SMOC2: variants seen among roughly 807,000 people sequenced by gnomAD.
The protein encoded by SMOC2 is SPARC-related modular calcium-binding protein 2.
A neutral mutation model predicts 61.4 loss-of-function variants in SMOC2; 39 were observed. That is an observed-to-expected ratio of 0.64 (90% CI 0.49 to 0.83). The LOEUF is 0.83. Ranked by LOEUF, SMOC2 falls within the 40% of genes least tolerant of loss-of-function variation. The probability of loss-of-function intolerance (pLI) is 0.00; values close to 1 mark genes in which losing one functional copy is unlikely to be tolerated. For missense variants in SMOC2, 556 were observed against 592.9 expected (o/e 0.94, Z 0.65); for synonymous variants, 247 against 239.9 (o/e 1.03, Z -0.27).
intron 1 of SMOC2, among the ~76,000 whole-genome samples, chr6:168,479,718 G>A (rs569246752): frequency 2.6e-5 from 4 of 152,316 alleles, no homozygotes; most frequent in African/African-American, 7.2e-5. Context: ...CTTCAAATAT[G>A]AGGAAGCTGT....
chr6:168,655,468 C>G, intron 11 of SMOC2: 1 of 454,920 alleles, frequency 2.2e-6, no homozygotes, highest in South Asian at 1.6e-5. Context: ...CCGGGTCTGA[C>G]TTTTCAGCTC....
chr6:168,564,764 G>T (rs1784506174), intron 7 of SMOC2, among the ~76,000 whole-genome samples: 1 of 152,216 alleles, frequency 6.6e-6, no homozygotes, highest in Non-Finnish European at 1.5e-5. Context: ...ACAGGAGGCT[G>T]ATGACGGGCA....
chr6:168,649,029 A>G (rs1787122921), intron 9 of SMOC2, among the ~76,000 whole-genome samples: 1 of 152,184 alleles, frequency 6.6e-6, no homozygotes, highest in Non-Finnish European at 1.5e-5. Context: ...CACGTGTGGC[A>G]CTGCCTTTCC....
intron 2 of SMOC2, among the ~76,000 whole-genome samples, chr6:168,520,483 G>T (rs1783303680): frequency 6.6e-6 from 1 of 152,232 alleles, no homozygotes; most frequent in Non-Finnish European, 1.5e-5. Context: ...ATGGGGAGAT[G>T]GCAGTGCAAG....
rs149648122 is a variant in SMOC2 at position 168,573,488 on chromosome 6, G to C, written c.637+24285G>C. 9.5e-3 allele frequency among the ~76,000 whole-genome samples: 1,447 copies of C among 152,042 alleles called. 13 individuals carry two copies. The highest frequency in any genetic ancestry group is 0.047 in the South Asian group (224 of 4,790). ...ACTTGGCTGAAAGGCAGCTCTGCTC[G>C]GGCTCCCAGGCGAGCCTGCTGCTGG... On this transcript the variant is annotated intron_variant, in intron 7 of 12. Transcript: ENST00000356284.
intron 7 of SMOC2, among the ~76,000 whole-genome samples, chr6:168,596,837 G>A (rs1486110008): frequency 1.3e-5 from 2 of 152,224 alleles, no homozygotes; most frequent in Non-Finnish European, 2.9e-5. Flanking sequence ...TTATGCACCT[G>A]TGCATTTGCT....
chr6:168,526,010 C>T (rs1454814646), intron 2 of SMOC2, among the ~76,000 whole-genome samples: 1 of 152,210 alleles, frequency 6.6e-6, no homozygotes, highest in Non-Finnish European at 1.5e-5. Context: ...CTGGCGTTTC[C>T]CCATTTTCAG....
At chr6:168,456,148 T>G (rs904260855) in intron 1 of SMOC2, among the ~76,000 whole-genome samples, 7 of 152,242 alleles carry the variant, frequency 4.6e-5, no homozygotes, top group Non-Finnish European at 8.8e-5. Flanking sequence ...GTCTCTTGCC[T>G]GAGCTCTGCG....
At chr6:168,540,937 G>C (rs1432458378) in intron 4 of SMOC2, among the ~76,000 whole-genome samples, 1 of 152,146 alleles carries the variant, frequency 6.6e-6, no homozygotes, top group Non-Finnish European at 1.5e-5. Flanking sequence ...ACTCACCTGG[G>C]AAGGGCGTCT....
intron 1 of SMOC2, among the ~76,000 whole-genome samples, chr6:168,493,587 A>G (rs1415975470): frequency 5.3e-5 from 8 of 152,216 alleles, no homozygotes; most frequent in Non-Finnish European, 1.2e-4. Flanking sequence ...AGATATCTTC[A>G]GAATGGAAAC....
intron 1 of SMOC2, among the ~76,000 whole-genome samples, chr6:168,463,936 A>C (rs2115005801): frequency 6.6e-6 from 1 of 152,212 alleles, no homozygotes; most frequent in Non-Finnish European, 1.5e-5. Flanking sequence ...CACACCTGTA[A>C]TCCCAACACT....
rs1225357036 is a variant in SMOC2, at chr6:168,666,402, T to G, written c.1324-19T>G. On this transcript the variant is annotated intron_variant, in intron 12 of 12. Transcript: ENST00000356284. ...ACACCTCTGAATATAATGTCTCTTT[T>G]TTGTTTTTTCCTTTTCAGCCAAGGA... 5.6e-6 allele frequency: 9 copies of G among 1,613,694 alleles called. No homozygotes were observed. The highest frequency in any genetic ancestry group is 7.6e-6 in the Non-Finnish European group (9 of 1,180,022).
intron 11 of SMOC2, among the ~76,000 whole-genome samples, chr6:168,660,039 G>GAGGTTGT (rs1787468349): frequency 6.6e-6 from 1 of 152,226 alleles, no homozygotes; most frequent in South Asian, 2.1e-4. Context: ...GGTGAGGGTG[G>GAGGTTGT]AGGTTGTAGG....
chr6:168,467,897 ATTAT>A (rs1781880217), intron 1 of SMOC2, among the ~76,000 whole-genome samples: 1 of 152,192 alleles, frequency 6.6e-6, no homozygotes, highest in African/African-American at 2.4e-5. Context: ...AATTTAATGT[ATTAT>A]TTGTTATGCA....
chr6:168,636,221 C>T (rs1786714722), intron 9 of SMOC2, among the ~76,000 whole-genome samples: 1 of 152,160 alleles, frequency 6.6e-6, no homozygotes, highest in Non-Finnish European at 1.5e-5. Context: ...CATTTATCAG[C>T]TGCATTCGGT....
rs982618357 is a variant in SMOC2, at chr6:168,453,789, G to T, written c.84+12335G>T. On this transcript the variant is annotated intron_variant, in intron 1 of 12. Coordinates refer to ENST00000356284, the MANE Select transcript of SMOC2 (RefSeq NM_001166412.2). This position sits in a 1 kb window ranked among gnomAD's most constrained non-coding sequence, Gnocchi z 4.4. ...TCTGTCTCTCTGATTCTATCTCTTGGTCTCTGTCATTCTCCATCTCTGTCC... is the reference window on the plus strand; with the variant it reads ...TCTGTCTCTCTGATTCTATCTCTTGTTCTCTGTCATTCTCCATCTCTGTCC... Among the ~76,000 whole-genome samples, 1 of 149,766 alleles carries T rather than the reference G, an allele frequency of 6.7e-6. No homozygotes were observed. Among genetic ancestry groups the T allele is most frequent in the African/African-American group, 2.5e-5 (1 of 40,534 alleles).
intron 1 of SMOC2, among the ~76,000 whole-genome samples, chr6:168,448,705 T>C (rs1337755106): frequency 6.6e-6 from 1 of 152,180 alleles, no homozygotes; most frequent in African/African-American, 2.4e-5. Flanking sequence ...CATCTTTTGC[T>C]AAACTCCCTC....
intron 7 of SMOC2, among the ~76,000 whole-genome samples, chr6:168,570,449 A>G (rs1784639237): frequency 6.6e-6 from 1 of 152,036 alleles, no homozygotes; most frequent in African/African-American, 2.4e-5. Context: ...AAATAAAAGC[A>G]CCCAACGGCC....
chr6:168,482,066 CAG>C, intron 1 of SMOC2, among the ~76,000 whole-genome samples: 1 of 151,306 alleles, frequency 6.6e-6, no homozygotes, highest in East Asian at 1.9e-4. Context: ...AAATAGAAAA[CAG>C]AAAAATAATA....
Sources: allele counts gnomAD v4.1 joint callset (sites outside exome capture counted in the v4.1 genomes callset), GRCh38; gene constraint gnomAD v4.1.1; non-coding constraint Gnocchi (gnomAD v3.1); transcripts MANE v1.5; gene names NCBI Gene and HGNC (gene_info 2026-07-23, HGNC 2026-07-21).